Variants in PPP5C observed in about 807,000 individuals in gnomAD.
The protein encoded by PPP5C is serine/threonine-protein phosphatase 5.
In PPP5C, 21 loss-of-function variants were observed where a neutral mutation model predicts 66.7. That is an observed-to-expected ratio of 0.31 (90% confidence interval 0.22 to 0.45). The LOEUF is 0.45. PPP5C is among the 20% of genes least tolerant of loss of function. The probability of loss-of-function intolerance (pLI) is 1.00; values close to 1 mark genes in which losing one functional copy is unlikely to be tolerated. For synonymous variants in PPP5C, 246 were observed against 257.4 expected, an observed-to-expected ratio of 0.96 and a Z score of 0.43; for missense variants, 464 against 675.9, an observed-to-expected ratio of 0.69 and a Z score of 3.48.
chr19:46,388,356 C>A lies in PPP5C; in HGVS notation c.1136-52C>A. On this transcript the variant is annotated intron_variant, in intron 9 of 12. Transcript: ENST00000012443. The surrounding 1 kb of genome is among the most constrained non-coding windows in gnomAD (Gnocchi z 4.9). ...GGGCCAGGAGGTGGCCTGTGAGTGA[C>A]CACCCCCGGGGAGGTGGACGAGTCC... The A allele has an allele frequency of 1.9e-6, 3 of 1,559,348 alleles. No homozygotes were observed. Among genetic ancestry groups the A allele is most frequent in the African/African-American group, 1.4e-5 (1 of 73,892 alleles).
intron 6 of PPP5C, 187 bp downstream of exon 6, chr19:46,384,065 G>T (rs547019939): frequency 1.2e-3 from 699 of 598,794 alleles, no homozygotes; most frequent in Non-Finnish European, 1.7e-3. Context: ...CTCCAGGCTC[G>T]GACAGGCCTG....
At chr19:46,352,086 G>A (rs115027484) in intron 1 of PPP5C, among the ~76,000 whole-genome samples, 4,527 of 152,218 alleles carry the variant, frequency 0.03, 98 homozygotes, top group African/African-American at 0.057. Context: ...TGGAGCCTGG[G>A]ACTCTCTTCT....
rs1157823688 is a variant in PPP5C, at chr19:46,383,266, C to T, written c.634-145C>T. ...TCCGGCCCCGCCTGCTCCCGCTCCC[C>T]CAGGCCTGCCCTGCCCTTTTTCTTC... On this transcript the variant is annotated intron_variant, in intron 4 of 12. Transcript: ENST00000012443. The surrounding 1 kb of genome is among the most constrained non-coding windows in gnomAD (Gnocchi z 5.0). 1.3e-6 allele frequency: 2 copies of T among 1,546,648 alleles called. No homozygotes were observed. The highest frequency in any genetic ancestry group is 1.7e-6 in the Non-Finnish European group (2 of 1,146,032).
Position 46,388,817 on chromosome 19 carries a change from A to G in PPP5C, c.1355+86A>G, listed in dbSNP as rs1972938603. ...TTGTTTTGCCTTTTTATGATGGAACATTTCAAAGACAGGCAAGAGCAGATA... is the reference window on the plus strand; with the variant it reads ...TTGTTTTGCCTTTTTATGATGGAACGTTTCAAAGACAGGCAAGAGCAGATA... On this transcript the variant is annotated intron_variant, in intron 11 of 12. Coordinates refer to ENST00000012443, the MANE Select transcript of PPP5C (RefSeq NM_006247.4). This position sits in a 1 kb window ranked among gnomAD's most constrained non-coding sequence, Gnocchi z 4.9. 2 of 1,488,194 alleles carry G rather than the reference A, an allele frequency of 1.3e-6. No homozygotes were observed. The highest frequency in any genetic ancestry group is 1.9e-5 in the Admixed American group (1 of 53,052). The allele number at this position is 1,488,194 out of a possible 1,614,324, so 92.2% of individuals were successfully genotyped here.
chr19:46,358,039 G>A (rs1228575673), intron 2 of PPP5C, among the ~76,000 whole-genome samples: 2 of 152,120 alleles, frequency 1.3e-5, no homozygotes, highest in African/African-American at 4.8e-5. Flanking sequence ...CCCCCATCCT[G>A]AAGCTACATA....
chr19:46,374,091 C>T (rs1008602385), intron 2 of PPP5C, among the ~76,000 whole-genome samples: 1 of 152,186 alleles, frequency 6.6e-6, no homozygotes, highest in Non-Finnish European at 1.5e-5. Context: ...GCACTGTCTT[C>T]CTCCCCTGCC....
At chr19:46,371,581 A>G in intron 2 of PPP5C, among the ~76,000 whole-genome samples, 1 of 152,162 alleles carries the variant, frequency 6.6e-6, no homozygotes, top group African/African-American at 2.4e-5. Context: ...GGCCATAAGC[A>G]GGGCAGGCGC....
Position 46,388,780 on chromosome 19 carries a change from T to C in PPP5C, c.1355+49T>C, listed in dbSNP as rs770111517. On this transcript the variant is annotated intron_variant, in intron 11 of 12. Coordinates refer to ENST00000012443, the MANE Select transcript of PPP5C (RefSeq NM_006247.4). The surrounding 1 kb of genome is among the most constrained non-coding windows in gnomAD (Gnocchi z 4.9). ...AGGGCCTCTACCAAGCCACGGGTTTTTGTCTTGGTTTTTGTTTTGCCTTTT... is the reference window on the plus strand; with the variant it reads ...AGGGCCTCTACCAAGCCACGGGTTTCTGTCTTGGTTTTTGTTTTGCCTTTT... 3 of 1,576,090 alleles carry C rather than the reference T, an allele frequency of 1.9e-6. No individual in the cohort carries two copies. In the African/African-American group the frequency reaches 4.1e-5, roughly 21 times the overall value.
intron 4 of PPP5C, among the ~76,000 whole-genome samples, chr19:46,377,490 A>G (rs571175720): frequency 1.3e-3 from 198 of 152,352 alleles, no homozygotes; most frequent in African/African-American, 4.4e-3. Flanking sequence ...AGGAATGTCC[A>G]CATTCCTGGT....
At position 46,390,790 on chromosome 19, in the gene PPP5C, C is replaced by A; in HGVS notation, c.*444C>A. On this transcript the variant is annotated 3_prime_UTR_variant, in exon 13 of 13. Transcript: ENST00000012443. ...GGTGGGGCTAGGCTGGGGCTCACCC[C>A]CCTCCCCAGCTATTTTATGTCTGTA... 3 of 1,126,144 alleles carry A rather than the reference C, an allele frequency of 2.7e-6. No homozygotes were observed. The highest frequency in any genetic ancestry group is 3.3e-6 in the Non-Finnish European group (3 of 909,128). 69.8% of individuals were successfully genotyped at this position (1,126,144 alleles called of 1,614,324 possible). A position where few individuals can be genotyped will look rare whatever the true frequency, so the allele number is the denominator to read the frequency against.
intron 2 of PPP5C, among the ~76,000 whole-genome samples, chr19:46,358,815 G>A (rs1200046655): frequency 6.6e-6 from 1 of 152,148 alleles, no homozygotes; most frequent in Non-Finnish European, 1.5e-5. Flanking sequence ...TAAATTACAG[G>A]GTGTAAGTGA....
Position 46,376,926 on chromosome 19 carries a change from G to C in PPP5C, c.633+352G>C, listed in dbSNP as rs1344547213. Among the ~76,000 whole-genome samples the C allele has an allele frequency of 6.6e-6, 1 of 152,130 alleles. No homozygotes were observed. Among genetic ancestry groups the C allele is most frequent in the Non-Finnish European group, 1.5e-5 (1 of 68,016 alleles). On this transcript the variant is annotated intron_variant, in intron 4 of 12. Coordinates refer to ENST00000012443, the MANE Select transcript of PPP5C (RefSeq NM_006247.4). The surrounding 1 kb of genome is among the most constrained non-coding windows in gnomAD (Gnocchi z 5.1). ...GCTGCTGGTTGTTGCAGGTTGTTTG[G>C]GACCTGCTGGTTGCTCCTAGTCCTG...
At chr19:46,366,551 C>A (rs145175578) in intron 2 of PPP5C, among the ~76,000 whole-genome samples, 88 of 152,120 alleles carry the variant, frequency 5.8e-4, no homozygotes, top group African/African-American at 2.0e-3. Context: ...TTGCTGTGTT[C>A]CCCAGGCTGA....
At chr19:46,367,402 C>T (rs1370788722) in intron 2 of PPP5C, among the ~76,000 whole-genome samples, 1 of 152,152 alleles carries the variant, frequency 6.6e-6, no homozygotes, top group Non-Finnish European at 1.5e-5. Context: ...AATGTTGCTG[C>T]TTGGGGAGTT....
At position 46,390,490 on chromosome 19, in the gene PPP5C, G is replaced by A; in HGVS notation, c.*144G>A. 4.7e-6 allele frequency: 7 copies of A among 1,485,634 alleles called. No individual in the cohort carries two copies. The East Asian group carries it at 7.5e-5, about 16-fold the overall frequency. The allele number at this position is 1,485,634 out of a possible 1,614,324, so 92.0% of individuals were successfully genotyped here. ...AAAGTTTGTATTTATTCCCCTTTAG[G>A]TTTGCAGAGGGGGTAGGGGCAGAGT... On this transcript the variant is annotated 3_prime_UTR_variant, in exon 13 of 13. Coordinates refer to ENST00000012443, the MANE Select transcript of PPP5C (RefSeq NM_006247.4).
chr19:46,361,845 G>T lies in PPP5C; in HGVS notation c.363+7856G>T, dbSNP rs1193988502. On this transcript the variant is annotated intron_variant, in intron 2 of 12. Coordinates refer to ENST00000012443, the MANE Select transcript of PPP5C (RefSeq NM_006247.4). ...TCCTTTGCATCAATGTATTATTTAT[G>T]GTAAAGCTAATTTTAATAAAACCTT... Among the ~76,000 whole-genome samples the T allele has an allele frequency of 2.0e-5, 3 of 151,548 alleles. No homozygotes were observed. In the East Asian group the frequency reaches 5.8e-4, roughly 29 times the overall value.
intron 2 of PPP5C, among the ~76,000 whole-genome samples, chr19:46,356,897 C>G (rs528428023): frequency 1.0e-3 from 152 of 152,272 alleles, no homozygotes; most frequent in African/African-American, 3.5e-3. Flanking sequence ...GGGGCAGGCT[C>G]TGGGCTCAGG....
chr19:46,376,691 A>T lies in PPP5C; in HGVS notation c.633+117A>T. The T allele has an allele frequency of 2.1e-6, 3 of 1,403,388 alleles. No homozygotes were observed. Among genetic ancestry groups the T allele is most frequent in the Non-Finnish European group, 2.9e-6 (3 of 1,027,814 alleles). 86.9% of individuals were successfully genotyped at this position (1,403,388 alleles called of 1,614,324 possible). A position where few individuals can be genotyped will look rare whatever the true frequency, so the allele number is the denominator to read the frequency against. ...AGGGCGGCCATGACAGCCAACACCA[A>T]ACAGGAGTCGTGTGCCGGACACTGT... On this transcript the variant is annotated intron_variant, in intron 4 of 12. Coordinates refer to ENST00000012443, the MANE Select transcript of PPP5C (RefSeq NM_006247.4). This position sits in a 1 kb window ranked among gnomAD's most constrained non-coding sequence, Gnocchi z 5.1.
intron 4 of PPP5C, among the ~76,000 whole-genome samples, chr19:46,378,239 A>G (rs1320078529): frequency 2.0e-5 from 3 of 151,974 alleles, no homozygotes; most frequent in African/African-American, 7.3e-5. Flanking sequence ...AATTTTCTTT[A>G]TGGTTTCTGA....
Sources: gnomAD v4.1 joint callset for allele counts (sites outside exome capture counted in the v4.1 genomes callset) on GRCh38, gnomAD v4.1.1 for gene constraint, Gnocchi (gnomAD v3.1) non-coding constraint, MANE v1.5 for transcripts, NCBI Gene and HGNC (gene_info 2026-07-23, HGNC 2026-07-21) for gene names.